The following RDH13 variants were observed in gnomAD, a reference collection of about 807,000 sequenced individuals.
RDH13 encodes retinol dehydrogenase 13 (all-trans and 9-cis).
RDH13 carries 35 observed loss-of-function variants against 28.3 expected under a neutral mutation model. The ratio of observed to expected loss-of-function variants is 1.24; its 90% CI spans 0.95 to 1.64. RDH13 has a LOEUF of 1.64. Ranked by LOEUF, RDH13 falls within the 40% of genes most tolerant of loss-of-function variation. The pLI is 0.00. For synonymous variants in RDH13, 229 were observed against 198.5 expected (o/e 1.15, Z -1.29); for missense variants, 514 against 446.3 (o/e 1.15, Z -1.37).
intron 2 of RDH13, among the ~76,000 whole-genome samples, 196 bp downstream of exon 2, chr19:55,058,961 A>G (rs1654446): frequency 0.83 from 126,489 of 152,262 alleles, 52,735 homozygotes; most frequent in East Asian, 0.98. Flanking sequence ...ACAGGCGTGC[A>G]CCACCGCGCC....
chr19:55,065,821 G>A (rs893546160), upstream of RDH13, among the ~76,000 whole-genome samples: 11 of 152,302 alleles, frequency 7.2e-5, no homozygotes, highest in Middle Eastern at 3.4e-3. Context: ...GGGTTCAAGC[G>A]ATTCTCCTGC....
In RDH13 at chr19:55,063,096, C is replaced by A. The variant is rs1568739548; in HGVS notation, c.-64G>T. The A allele has an allele frequency of 3.2e-6, 4 of 1,249,346 alleles. No individual in the cohort carries two copies. In the East Asian group the frequency reaches 1.3e-4, roughly 40 times the overall value. The allele number at this position is 1,249,346 out of a possible 1,614,324, so 77.4% of individuals were successfully genotyped here. ...GCGGAGCTTGCTGCACACCAGCCGC[C>A]TGGGTAGCTCCGAGGAAGAGCGCGC... On this transcript the variant is annotated 5_prime_UTR_variant, in exon 1 of 7. The change creates a new upstream start codon in the 5' untranslated region. Coordinates refer to ENST00000415061, the MANE Select transcript of RDH13 (RefSeq NM_001145971.2).
In RDH13 at chr19:55,056,683, T is replaced by G. The variant is rs757121865; in HGVS notation, c.310A>C (p.Ile104Leu). ...RHLDLASLKS[I>L]REFAAKIIEE... ...ATGATCTTTGCTGCAAACTCTCGGA[T>G]AGACTTGAGGGAAGCCAAGTCCAGG... The change falls in exon 3 of 7, where the codon ATC becomes CTC. Residue 104 changes from isoleucine (I) to leucine (L), a missense_variant. Ile to Leu is a conservative substitution (Grantham distance 5). Coordinates refer to ENST00000415061, the MANE Select transcript of RDH13 (RefSeq NM_001145971.2). The G allele has an allele frequency of 6.2e-7, 1 of 1,614,038 alleles. No homozygotes were observed. The highest frequency in any genetic ancestry group is 8.5e-7 in the Non-Finnish European group (1 of 1,180,018).
chr19:55,043,177 G>A (rs1019787966), downstream of RDH13: 9 of 152,352 alleles, frequency 5.9e-5, no homozygotes, highest in African/African-American at 1.9e-4. Context: ...CATGGCGGAA[G>A]GGTCACTTGA....
At chr19:55,039,866 TAAA>T (rs2074975381), downstream of RDH13, 1 of 151,952 alleles carries the variant, frequency 6.6e-6, no homozygotes, top group Non-Finnish European at 1.5e-5. Flanking sequence ...TATAAAAGAA[TAAA>T]TTCAGATACA....
At chr19:55,054,360 C>G (rs1429026807) in intron 3 of RDH13, among the ~76,000 whole-genome samples, 1 of 152,070 alleles carries the variant, frequency 6.6e-6, no homozygotes, top group African/African-American at 2.4e-5. Context: ...CTTTGGGAGG[C>G]TGAGGCAGGC....
At chr19:55,047,240 G>A (rs2075265852) in intron 6 of RDH13, 147 bp downstream of exon 6, 3 of 1,435,066 alleles carry the variant, frequency 2.1e-6, no homozygotes, top group Non-Finnish European at 2.7e-6. Context: ...GGAGGAAAGG[G>A]ACCTGTGCTC....
chr19:55,068,574 G>T (rs1016983341), intron 1 of RDH13: 2 of 151,470 alleles, frequency 1.3e-5, no homozygotes, highest in Non-Finnish European at 1.5e-5. Context: ...TGTGGCTCAG[G>T]CCTGTAATCC....
intron 3 of RDH13, among the ~76,000 whole-genome samples, chr19:55,052,821 C>T (rs904950250): frequency 4.6e-5 from 7 of 151,866 alleles, no homozygotes; most frequent in African/African-American, 1.7e-4. Context: ...CCACCACGCC[C>T]GGCTAATTTT....
At chr19:55,047,289 C>T in intron 6 of RDH13, 98 bp downstream of exon 6, 2 of 1,515,076 alleles carry the variant, frequency 1.3e-6, no homozygotes, top group South Asian at 1.2e-5. Flanking sequence ...AGGCATGAGG[C>T]CTCAGGGACG....
At chr19:55,064,593 ATTTG>A (rs2075910266), upstream of RDH13, among the ~76,000 whole-genome samples, 1 of 151,150 alleles carries the variant, frequency 6.6e-6, no homozygotes, top group African/African-American at 2.4e-5. Context: ...AAGTCACAGG[ATTTG>A]TTTTTGTTTG....
chr19:55,055,015 CAAG>C (rs1335898905), intron 3 of RDH13, among the ~76,000 whole-genome samples: 1 of 151,788 alleles, frequency 6.6e-6, no homozygotes, highest in African/African-American at 2.4e-5. Context: ...TAAAGATGAA[CAAG>C]AATAGAAAAG....
At position 55,048,764 on chromosome 19, in the gene RDH13, C is replaced by G. The variant is rs754743631; in HGVS notation, c.341-1G>C. On this transcript the variant is annotated splice_acceptor_variant, in intron 3 of 6. Coordinates refer to ENST00000415061, the MANE Select transcript of RDH13 (RefSeq NM_001145971.2). LOFTEE classifies it high-confidence loss of function. ...ATTAGAATGTCCACTCGCTCCTCCT[C>G]TGGAAGAGAGGGGTGGAGGAGGAGA... 1.9e-6 allele frequency: 3 copies of G among 1,613,210 alleles called. No homozygotes were observed. Among genetic ancestry groups the G allele is most frequent in the South Asian group, 2.2e-5 (2 of 91,038 alleles).
chr19:55,052,972 T>C (rs565469490), intron 3 of RDH13, among the ~76,000 whole-genome samples: 9 of 152,160 alleles, frequency 5.9e-5, no homozygotes, highest in Non-Finnish European at 1.3e-4. Context: ...GATTGTTTTG[T>C]ATTTTTTGTA....
chr19:55,047,221 C>T (rs1000465830), intron 6 of RDH13, 166 bp downstream of exon 6: 9 of 1,411,238 alleles, frequency 6.4e-6, no homozygotes, highest in Non-Finnish European at 8.3e-6. Flanking sequence ...GCTGGCAGGC[C>T]AGGTCAACGG....
chr19:55,044,656 A>C lies in RDH13; in HGVS notation c.*418T>G. The C allele has an allele frequency of 5.3e-6, 1 of 190,154 alleles. No individual in the cohort carries two copies. 11.8% of individuals were successfully genotyped at this position (190,154 alleles called of 1,614,324 possible). A position where few individuals can be genotyped will look rare whatever the true frequency, so the allele number is the denominator to read the frequency against. On this transcript the variant is annotated 3_prime_UTR_variant, in exon 7 of 7. Coordinates refer to ENST00000415061, the MANE Select transcript of RDH13 (RefSeq NM_001145971.2). Reference sequence around the variant, plus strand: ...AACCAAGGCTCAGAGAGGACCATGCATGCACAAGGTCCCACAGGGACCCAA... The same window carrying C: ...AACCAAGGCTCAGAGAGGACCATGCCTGCACAAGGTCCCACAGGGACCCAA...
chr19:55,067,726 G>C (rs968781301), upstream of RDH13: 2 of 152,224 alleles, frequency 1.3e-5, no homozygotes, highest in Non-Finnish European at 2.9e-5. Context: ...CTGGAGAGAA[G>C]CACAGGGGAC....
At position 55,045,232 on chromosome 19, in the gene RDH13, GT is replaced by G; in HGVS notation, c.837del (p.Glu279AspfsTer41). ...AAGTACTTTCCGGAAACATCCGCCA[GT>G]TCCTCCGCCACGGCCAGGTATGTGC... The part of the protein sequence containing the change: ...QPSTYLAVAE[E>X]LADVSGKYFD... On this transcript the variant is annotated frameshift_variant, in exon 7 of 7. Transcript: ENST00000415061. LOFTEE classifies it low-confidence loss of function (END_TRUNC). 1.2e-6 allele frequency: 2 copies of G among 1,613,446 alleles called. No individual in the cohort carries two copies. The highest frequency in any genetic ancestry group is 1.7e-6 in the Non-Finnish European group (2 of 1,180,044).
At chr19:55,039,249 C>G (rs942923857) in exon 3 of RDH13, 1 of 152,216 alleles carries the variant, frequency 6.6e-6, no homozygotes, top group Non-Finnish European at 1.5e-5. Flanking sequence ...GAATAAAAAT[C>G]AGCCAGGCAC....
Sources: allele counts gnomAD v4.1 joint callset (sites outside exome capture counted in the v4.1 genomes callset), GRCh38; gene constraint gnomAD v4.1.1; transcripts MANE v1.5; gene names NCBI Gene and HGNC (gene_info 2026-07-23, HGNC 2026-07-21).